The following VKORC1L1 variants were observed in gnomAD, a reference collection of about 807,000 sequenced individuals.
VKORC1L1 encodes the protein vitamin K epoxide reductase complex subunit 1L1.
In VKORC1L1, 2 loss-of-function variants were observed where a neutral mutation model predicts 18.9. The ratio of observed to expected loss-of-function variants is 0.11; its 90% CI spans 0.04 to 0.33. The LOEUF (loss-of-function observed/expected upper bound fraction) is 0.33. Among genes scored for constraint, VKORC1L1 ranks in the 10% least tolerant of loss-of-function variants. The pLI is 1.00. For synonymous variants in VKORC1L1, 96 were observed against 100.0 expected (o/e 0.96, Z 0.24); for missense variants, 123 against 224.1 (o/e 0.55, Z 2.88).
chr7:65,913,829 A>T (rs1187527209), intron 1 of VKORC1L1, among the ~76,000 whole-genome samples: 1 of 151,730 alleles, frequency 6.6e-6, no homozygotes, highest in African/African-American at 2.4e-5. Flanking sequence ...AATTATATGG[A>T]TGAAATCACT....
intron 2 of VKORC1L1, 148 bp from the exon 3 acceptor site, chr7:65,953,926 G>A (rs940771185): frequency 1.5e-6 from 1 of 668,652 alleles, no homozygotes; most frequent in African/African-American, 1.8e-5. Context: ...TAACAAAACA[G>A]AGCAGTATTT....
chr7:65,937,694 G>A (rs1789966285), intron 1 of VKORC1L1, among the ~76,000 whole-genome samples: 1 of 152,098 alleles, frequency 6.6e-6, no homozygotes, highest in African/African-American at 2.4e-5. Flanking sequence ...CATTACAGGC[G>A]TGAGGCAGTG....
Position 65,876,304 on chromosome 7 carries a change from A to T in VKORC1L1, c.194+2739A>T, listed in dbSNP as rs1788825972. Among the ~76,000 whole-genome samples the T allele has an allele frequency of 3.3e-5, 5 of 152,286 alleles. No individual in the cohort carries two copies. In the South Asian group the frequency reaches 1.0e-3, roughly 32 times the overall value. On this transcript the variant is annotated intron_variant, in intron 1 of 2. Coordinates refer to ENST00000360768, the MANE Select transcript of VKORC1L1 (RefSeq NM_173517.6). ...GCTATATGGAAAAGTTTACTTTCAG[A>T]CCAGCCTGGCCAACATGCTGAAACC...
chr7:65,905,866 C>T (rs897438821), intron 1 of VKORC1L1, among the ~76,000 whole-genome samples: 5 of 152,122 alleles, frequency 3.3e-5, no homozygotes, highest in South Asian at 2.1e-4. Flanking sequence ...CAATCCTCAC[C>T]GTGCTTGTAG....
chr7:65,915,633 G>GT (rs34639789), intron 1 of VKORC1L1, among the ~76,000 whole-genome samples: 2,511 of 143,316 alleles, frequency 0.018, 36 homozygotes, highest in African/African-American at 0.033. Context: ...AAAGAAACCA[G>GT]TTTTTTTTTT....
intron 2 of VKORC1L1, among the ~76,000 whole-genome samples, chr7:65,952,825 G>A (rs1277494501): frequency 2.7e-5 from 3 of 110,654 alleles, no homozygotes; most frequent in Admixed American, 2.7e-4. Context: ...AGACTCTGTC[G>A]CCCAGGCTGG....
At chr7:65,899,857 A>T (rs896781803) in intron 1 of VKORC1L1, among the ~76,000 whole-genome samples, 1 of 152,182 alleles carries the variant, frequency 6.6e-6, no homozygotes, top group East Asian at 1.9e-4. Context: ...AAAATTAGCC[A>T]GGCGTGGTGG....
intron 2 of VKORC1L1, among the ~76,000 whole-genome samples, chr7:65,952,972 T>G (rs932842923): frequency 2.0e-5 from 3 of 151,744 alleles, no homozygotes; most frequent in Non-Finnish European, 2.9e-5. Context: ...TCTCTTGTAC[T>G]TTTTAGTAGA....
At chr7:65,939,715 A>G (rs1162676515) in intron 1 of VKORC1L1, among the ~76,000 whole-genome samples, 2 of 152,206 alleles carry the variant, frequency 1.3e-5, no homozygotes, top group African/African-American at 4.8e-5. Context: ...GCTTAGCCAG[A>G]GCAGCGACAG....
At chr7:65,886,045 TA>T (rs1374097132) in intron 1 of VKORC1L1, among the ~76,000 whole-genome samples, 1 of 152,246 alleles carries the variant, frequency 6.6e-6, no homozygotes, top group Non-Finnish European at 1.5e-5. Context: ...GGTTTTAACC[TA>T]GATGCTTATT....
At chr7:65,898,756 G>T (rs931084864) in intron 1 of VKORC1L1, among the ~76,000 whole-genome samples, 1 of 152,134 alleles carries the variant, frequency 6.6e-6, no homozygotes, top group Non-Finnish European at 1.5e-5. Context: ...GCTCAGTAGT[G>T]TAAAGTATAT....
At chr7:65,892,474 T>C (rs959824852) in intron 1 of VKORC1L1, among the ~76,000 whole-genome samples, 13 of 152,242 alleles carry the variant, frequency 8.5e-5, no homozygotes, top group African/African-American at 3.1e-4. Context: ...CGATATCTCA[T>C]TGTAGTTTTG....
chr7:65,915,316 C>G (rs1444214047), intron 1 of VKORC1L1, among the ~76,000 whole-genome samples: 1 of 151,872 alleles, frequency 6.6e-6, no homozygotes, highest in South Asian at 2.1e-4. Context: ...TAGTCTCGAT[C>G]TCCTGACCTC....
chr7:65,945,787 A>G (rs967128582), intron 1 of VKORC1L1, among the ~76,000 whole-genome samples: 37 of 152,364 alleles, frequency 2.4e-4, no homozygotes, highest in Admixed American at 9.2e-4. Flanking sequence ...GTGGATTGCC[A>G]CATTGTTTTC....
chr7:65,926,720 T>TG (rs1298099169), intron 1 of VKORC1L1, among the ~76,000 whole-genome samples: 2 of 152,058 alleles, frequency 1.3e-5, no homozygotes, highest in Non-Finnish European at 1.5e-5. Flanking sequence ...ACTGGACCAA[T>TG]GAGTGAATAC....
intron 1 of VKORC1L1, among the ~76,000 whole-genome samples, chr7:65,902,635 G>A (rs1292892902): frequency 6.6e-6 from 1 of 152,020 alleles, no homozygotes; most frequent in Non-Finnish European, 1.5e-5. Flanking sequence ...AAAACAGTAA[G>A]CCCACATATT....
upstream of VKORC1L1, among the ~76,000 whole-genome samples, chr7:65,872,938 GC>G (rs1788745308): frequency 6.6e-6 from 1 of 151,214 alleles, no homozygotes; most frequent in Admixed American, 6.6e-5. Context: ...GCACTGGCCC[GC>G]TCGGCCCCGC....
At position 65,954,972 on chromosome 7, in the gene VKORC1L1, A is replaced by T. The variant is rs1430647155; in HGVS notation, c.*672A>T. On this transcript the variant is annotated 3_prime_UTR_variant, in exon 3 of 3. Transcript: ENST00000360768. ...GTTGCAGCAAATAATAGGGCAAAAA[A>T]AATAATAATAGGGTGGTCGGTTCCC... The T allele has an allele frequency of 3.9e-5, 6 of 152,408 alleles. No individual in the cohort carries two copies. The East Asian group carries it at 5.8e-4, about 15-fold the overall frequency. The allele number at this position is 152,408 out of a possible 1,614,324, so 9.4% of individuals were successfully genotyped here. A position where few individuals can be genotyped will look rare whatever the true frequency, so the allele number is the denominator to read the frequency against.
At chr7:65,935,014 A>G (rs1246944261) in intron 1 of VKORC1L1, among the ~76,000 whole-genome samples, 1 of 148,378 alleles carries the variant, frequency 6.7e-6, no homozygotes, top group Non-Finnish European at 1.5e-5. Context: ...AGATCGCACC[A>G]CTGCACTCCA....
Sources: gnomAD v4.1 joint callset for allele counts (sites outside exome capture counted in the v4.1 genomes callset) on GRCh38, gnomAD v4.1.1 for gene constraint, MANE v1.5 for transcripts, NCBI Gene and HGNC (gene_info 2026-07-23, HGNC 2026-07-21) for gene names.